The following VPS13C variants were observed in gnomAD, a reference collection of about 807,000 sequenced individuals.
VPS13C encodes the protein intermembrane lipid transfer protein VPS13C.
Under a neutral mutation model 456.8 loss-of-function variants are expected in VPS13C, and 358 were observed. The observed-to-expected ratio is 0.78, with a 90% CI of 0.72 to 0.86. The LOEUF (loss-of-function observed/expected upper bound fraction) is 0.86. Among genes scored for constraint, VPS13C ranks in the 40% least tolerant of loss-of-function variants. The pLI is 0.00. For missense variants in VPS13C, 4,818 were observed against 4,385.4 expected, an observed-to-expected ratio of 1.10 and a Z score of -2.79; for synonymous variants, 1,578 against 1,486.7, an observed-to-expected ratio of 1.06 and a Z score of -1.41.
intron 53 of VPS13C, among the ~76,000 whole-genome samples, chr15:61,924,235 A>G (rs890239412): frequency 6.6e-6 from 1 of 152,148 alleles, no homozygotes; most frequent in African/African-American, 2.4e-5. Flanking sequence ...CTGTCTGGAT[A>G]AACCTTTCCA....
At chr15:62,002,303 A>T (rs566384796) in intron 15 of VPS13C, among the ~76,000 whole-genome samples, 1,682 of 152,222 alleles carry the variant, frequency 0.011, 41 homozygotes, top group African/African-American at 0.039. Context: ...GTTTTTTGGC[A>T]GCATAAATGT....
intron 4 of VPS13C, 42 bp downstream of exon 4, chr15:62,034,915 C>G (rs747278137): frequency 6.2e-6 from 8 of 1,300,344 alleles, no homozygotes; most frequent in Non-Finnish European, 8.6e-6. Flanking sequence ...AATTTAATTT[C>G]AATGTGATGT....
chr15:62,028,527 T>G lies in VPS13C; in HGVS notation c.386-107A>C. On this transcript the variant is annotated intron_variant, in intron 5 of 84. Transcript: ENST00000644861. The stretch of plus-strand genomic sequence containing the variant: ...TTTAATTTCATATAATTAGAAATCA[T>G]GTAACAGGGTAATTAAAATTTGGTG... The G allele has an allele frequency of 3.7e-6, 4 of 1,089,270 alleles. No individual in the cohort carries two copies. The South Asian group carries it at 6.0e-5, about 16-fold the overall frequency. The allele number at this position is 1,089,270 out of a possible 1,614,324, so 67.5% of individuals were successfully genotyped here. A position where few individuals can be genotyped will look rare whatever the true frequency, so the allele number is the denominator to read the frequency against.
intron 75 of VPS13C, 59 bp from the exon 76 acceptor site, chr15:61,875,904 T>C: frequency 2.6e-6 from 3 of 1,167,990 alleles, no homozygotes. Context: ...AACATCATAA[T>C]GAAATAGAAA....
At chr15:62,021,911 C>T (rs114674854) in intron 8 of VPS13C, among the ~76,000 whole-genome samples, 1,670 of 151,964 alleles carry the variant, frequency 0.011, 42 homozygotes, top group African/African-American at 0.039. Context: ...ATCCAGTGAG[C>T]ATCTTTATGA....
At chr15:61,911,800 G>T (rs780929050) in intron 63 of VPS13C, 40 bp downstream of exon 63, 6 of 1,494,194 alleles carry the variant, frequency 4.0e-6, no homozygotes, top group Non-Finnish European at 5.4e-6. Context: ...ATATTTATTT[G>T]TATATTTTAG....
chr15:61,941,876 A>G lies in VPS13C; in HGVS notation c.5340T>C (p.Asp1780=). The G allele has an allele frequency of 1.2e-6, 2 of 1,614,062 alleles. No homozygotes were observed. The highest frequency in any genetic ancestry group is 1.7e-6 in the Non-Finnish European group (2 of 1,179,934). Residue 1780 remains aspartate (D), a synonymous_variant, in exon 46 of 85, where the codon GAT becomes GAC. Coordinates refer to ENST00000644861, the MANE Select transcript of VPS13C (RefSeq NM_020821.3). ...SSVSPNAVIA[D]LGLIRVENKF... is the part of the protein sequence containing the mutation. ...TGTTTTCAACTCTGATTAAACCCAG[A>G]TCTGCTATAACAGCATTAGGTGATA... is the stretch of plus-strand genomic sequence containing the variant.
intron 22 of VPS13C, among the ~76,000 whole-genome samples, chr15:61,981,011 C>T (rs1358782507): frequency 6.6e-6 from 1 of 152,034 alleles, no homozygotes; most frequent in Non-Finnish European, 1.5e-5. Flanking sequence ...GTACAATTTC[C>T]TATTGTCAAA....
Position 61,898,938 on chromosome 15 carries a change from T to C in VPS13C, c.9105+8326A>G, listed in dbSNP as rs545620330. Reference sequence around the variant, plus strand: ...ACAGTGCAATCAAACTAGAACTCAGTATTAAGAATCTCACTCAAAACCGCT... The same window carrying C: ...ACAGTGCAATCAAACTAGAACTCAGCATTAAGAATCTCACTCAAAACCGCT... On this transcript the variant is annotated intron_variant, in intron 66 of 84. Transcript: ENST00000644861. Among the ~76,000 whole-genome samples the C allele has an allele frequency of 5.3e-3, 517 of 98,066 alleles. 1 individual carries two copies. The highest frequency in any genetic ancestry group is 0.016 in the Middle Eastern group (4 of 252). 64.3% of individuals were successfully genotyped at this position (98,066 alleles called of 152,430 possible).
chr15:61,992,421 G>A (rs1179917330), intron 16 of VPS13C, among the ~76,000 whole-genome samples: 2 of 152,098 alleles, frequency 1.3e-5, no homozygotes, highest in African/African-American at 4.8e-5. Context: ...AAGTAATTTA[G>A]ATTATATGTT....
chr15:61,908,858 A>G, intron 65 of VPS13C, 134 bp downstream of exon 65: 2 of 1,020,880 alleles, frequency 2.0e-6, no homozygotes, highest in South Asian at 3.7e-5. Context: ...ATGTAAGGGT[A>G]TTAAAGATAA....
At chr15:61,896,470 T>G (rs1172316619) in intron 66 of VPS13C, among the ~76,000 whole-genome samples, 1 of 152,134 alleles carries the variant, frequency 6.6e-6, no homozygotes, top group Non-Finnish European at 1.5e-5. Context: ...TTCCCTTTCC[T>G]ACTCAAAGAA....
At chr15:61,994,340 G>A (rs1327372175) in intron 16 of VPS13C, among the ~76,000 whole-genome samples, 1 of 152,172 alleles carries the variant, frequency 6.6e-6, no homozygotes. Flanking sequence ...GATTGAAATT[G>A]TTATCCTCCG....
intron 16 of VPS13C, among the ~76,000 whole-genome samples, chr15:61,997,993 A>G (rs2140446273): frequency 1.3e-5 from 2 of 152,208 alleles, no homozygotes; most frequent in East Asian, 3.9e-4. Context: ...GATGCTACAC[A>G]ATCTGGCAAT....
At chr15:62,034,170 G>A (rs2047910095) in intron 4 of VPS13C, among the ~76,000 whole-genome samples, 1 of 151,480 alleles carries the variant, frequency 6.6e-6, no homozygotes, top group South Asian at 2.1e-4. Context: ...GCCCACAATA[G>A]AATACCATAC....
intron 1 of VPS13C, among the ~76,000 whole-genome samples, chr15:62,058,014 A>G (rs927823384): frequency 3.9e-5 from 6 of 152,216 alleles, no homozygotes; most frequent in African/African-American, 1.4e-4. Flanking sequence ...ATATGGCATA[A>G]TATTATAACA....
chr15:61,942,126 T>A (rs1279685165), intron 45 of VPS13C, 59 bp from the exon 46 acceptor site: 5 of 1,436,486 alleles, frequency 3.5e-6, no homozygotes, highest in African/African-American at 2.9e-5. Context: ...AAGAAAAAAC[T>A]TTAAAAAGCA....
intron 66 of VPS13C, among the ~76,000 whole-genome samples, chr15:61,891,745 T>C (rs978608248): frequency 1.3e-5 from 2 of 152,212 alleles, no homozygotes; most frequent in Non-Finnish European, 2.9e-5. Flanking sequence ...TTGCTTTGAA[T>C]TGGTCAGAAA....
At chr15:61,956,008 A>C (rs973328716) in intron 37 of VPS13C, among the ~76,000 whole-genome samples, 3 of 152,128 alleles carry the variant, frequency 2.0e-5, no homozygotes, top group African/African-American at 7.2e-5. Context: ...CATTCTACCA[A>C]AACGACCACA....
Sources: allele counts gnomAD v4.1 joint callset (sites outside exome capture counted in the v4.1 genomes callset), GRCh38; gene constraint gnomAD v4.1.1; transcripts MANE v1.5; gene names NCBI Gene and HGNC (gene_info 2026-07-23, HGNC 2026-07-21).